The following FGF13 variants were observed in gnomAD, a reference collection of about 807,000 sequenced individuals.
FGF13 encodes fibroblast growth factor homologous factor 2.
In FGF13, 2 loss-of-function variants were observed where a neutral mutation model predicts 19.5. That is an observed-to-expected ratio of 0.10 (90% confidence interval 0.04 to 0.32). The LOEUF is 0.32. Among genes scored for constraint, FGF13 ranks in the 10% least tolerant of loss-of-function variants. FGF13 has a pLI of 1.00. For missense variants in FGF13, 113 were observed against 192.7 expected (o/e 0.59, Z 2.45); for synonymous variants, 72 against 76.9 (o/e 0.94, Z 0.33).
intron 3 of FGF13, among the ~76,000 whole-genome samples, chrX:138,845,698 C>T (rs2091176580): frequency 9.0e-6 from 1 of 111,317 alleles, no homozygotes; most frequent in African/African-American, 3.3e-5. Context: ...TTTTCTCCCT[C>T]ACTAAATATT....
intron 1 of FGF13, among the ~76,000 whole-genome samples, chrX:138,725,228 G>A (rs1255923055): frequency 9.0e-6 from 1 of 111,112 alleles, no homozygotes; most frequent in African/African-American, 3.3e-5. Flanking sequence ...CGGTATTATG[G>A]GACTGGAAAA....
chrX:139,110,402 A>G (rs755811663), intron 1 of FGF13, among the ~76,000 whole-genome samples: 17 of 110,133 alleles, frequency 1.5e-4, no homozygotes, highest in African/African-American at 5.6e-4. Flanking sequence ...AGATAATTGA[A>G]TCACGGGGGC....
intron 1 of FGF13, among the ~76,000 whole-genome samples, chrX:138,906,520 C>T (rs1460029845): frequency 3.6e-5 from 4 of 111,495 alleles, no homozygotes; most frequent in Admixed American, 1.9e-4. Context: ...GTGGCTGAGA[C>T]AGAAAATAGA....
chrX:138,959,583 C>G (rs773627111), intron 1 of FGF13, among the ~76,000 whole-genome samples: 17 of 110,769 alleles, frequency 1.5e-4, no homozygotes, highest in African/African-American at 5.6e-4. Context: ...TCTTGTTAAT[C>G]TTCTGTCTCT....
intron 3 of FGF13, among the ~76,000 whole-genome samples, chrX:138,819,785 CTTCT>C (rs771088062): frequency 9.0e-6 from 1 of 111,222 alleles, no homozygotes; most frequent in Admixed American, 9.6e-5. Context: ...AGAAAAATAC[CTTCT>C]TTATTTAAAA....
chrX:138,638,385 C>A (rs1334623985), intron 3 of FGF13, among the ~76,000 whole-genome samples: 1 of 111,745 alleles, frequency 8.9e-6, no homozygotes, highest in African/African-American at 3.3e-5. Flanking sequence ...TCTCTACCTA[C>A]TGGCTTTCCT....
intron 1 of FGF13, among the ~76,000 whole-genome samples, chrX:138,908,982 T>C (rs758413285): frequency 8.9e-5 from 10 of 111,979 alleles, no homozygotes; most frequent in Non-Finnish European, 5.6e-5. Flanking sequence ...GAAACAAGTA[T>C]TATTATCCCC....
intron 3 of FGF13, among the ~76,000 whole-genome samples, chrX:138,754,522 C>T (rs1359290699): frequency 9.0e-6 from 1 of 110,851 alleles, no homozygotes; most frequent in Non-Finnish European, 1.9e-5. Flanking sequence ...TTCCAGAATA[C>T]TAGCCCCACT....
At chrX:138,742,489 GCTCTCTCTCT>G (rs10605205), upstream of FGF13, among the ~76,000 whole-genome samples, 2,228 of 103,756 alleles carry the variant, frequency 0.021, 35 homozygotes, top group African/African-American at 0.074. Context: ...TCAGCAAGGG[GCTCTCTCTCT>G]CTCTCTCTCT....
chrX:138,873,277 G>A (rs2091368169), intron 1 of FGF13, among the ~76,000 whole-genome samples: 1 of 111,457 alleles, frequency 9.0e-6, no homozygotes, highest in Admixed American at 9.6e-5. Context: ...CAGGTAGAAG[G>A]AAAGAGAGAG....
chrX:139,071,293 T>G (rs905230010), intron 1 of FGF13, among the ~76,000 whole-genome samples: 1 of 111,973 alleles, frequency 8.9e-6, no homozygotes, highest in Non-Finnish European at 1.9e-5. Context: ...AATTTTCATT[T>G]TTTCGTTTAT....
At chrX:138,709,227 G>A (rs1472310680) in intron 1 of FGF13, among the ~76,000 whole-genome samples, 2 of 112,321 alleles carry the variant, frequency 1.8e-5, no homozygotes, top group Non-Finnish European at 1.9e-5. Flanking sequence ...TTTGTAATGG[G>A]TTGGCAAATG....
intron 3 of FGF13, among the ~76,000 whole-genome samples, chrX:138,696,787 T>C (rs1208051993): frequency 5.3e-5 from 6 of 112,166 alleles, no homozygotes. Context: ...GAATTATCTG[T>C]AGCAAATGCT....
At chrX:138,676,039 G>A (rs186350256) in intron 3 of FGF13, among the ~76,000 whole-genome samples, 4 of 111,519 alleles carry the variant, frequency 3.6e-5, no homozygotes, top group South Asian at 3.8e-4. Context: ...CTAAATCATC[G>A]AGAAAAATGA....
At chrX:139,198,059 G>T (rs2084387945) in intron 1 of FGF13, among the ~76,000 whole-genome samples, 1 of 99,496 alleles carries the variant, frequency 1.0e-5, no homozygotes, top group African/African-American at 3.7e-5. Context: ...GGAATGACTA[G>T]AAAAGGGCAT....
chrX:139,180,817 T>C (rs952956164), intron 1 of FGF13, among the ~76,000 whole-genome samples: 1 of 111,680 alleles, frequency 9.0e-6, no homozygotes, highest in Non-Finnish European at 1.9e-5. Flanking sequence ...TGCCTCCAAA[T>C]ACATCCAGAA....
chrX:138,666,566 G>A (rs968730348), intron 3 of FGF13, among the ~76,000 whole-genome samples: 1 of 111,243 alleles, frequency 9.0e-6, no homozygotes. Context: ...TATTAGCTAC[G>A]TGTCTTTTGG....
chrX:138,845,397 T>A (rs767274259), intron 3 of FGF13, among the ~76,000 whole-genome samples: 4 of 111,868 alleles, frequency 3.6e-5, no homozygotes, highest in Non-Finnish European at 7.5e-5. Context: ...CCACCTGGAA[T>A]TAGAGCAAAT....
chrX:138,708,063 C>T (rs1243799380), intron 2 of FGF13, among the ~76,000 whole-genome samples: 1 of 112,097 alleles, frequency 8.9e-6, no homozygotes, highest in East Asian at 2.8e-4. Flanking sequence ...AGTAAGTCTC[C>T]AGAAATCTGT....
Sources: allele counts gnomAD v4.1 joint callset (sites outside exome capture counted in the v4.1 genomes callset), GRCh38; gene constraint gnomAD v4.1.1; transcripts MANE v1.5; gene names NCBI Gene and HGNC (gene_info 2026-07-23, HGNC 2026-07-21).